The following MOB3B variants were observed in gnomAD, a reference collection of about 807,000 sequenced individuals.
The protein encoded by MOB3B is MOB kinase activator-like 2B.
A neutral mutation model predicts 18.7 loss-of-function variants in MOB3B; 7 were observed. That is an observed-to-expected ratio of 0.37 (90% CI 0.21 to 0.70). The LOEUF is 0.70. MOB3B is among the 30% of genes least tolerant of loss of function. The probability of loss-of-function intolerance (pLI) is 0.52; values close to 1 mark genes in which losing one functional copy is unlikely to be tolerated. For synonymous variants in MOB3B, 111 were observed against 99.9 expected, an observed-to-expected ratio of 1.11 and a Z score of -0.66; for missense variants, 253 against 281.3, an observed-to-expected ratio of 0.90 and a Z score of 0.72.
chr9:27,393,372 AGT>A (rs35949017), intron 2 of MOB3B, among the ~76,000 whole-genome samples: 20,534 of 147,900 alleles, frequency 0.14, 1,442 homozygotes, highest in Admixed American at 0.18. Flanking sequence ...GGTGCAGAGA[AGT>A]GTGTGTGTGT....
chr9:27,412,677 G>C (rs1443431430), intron 2 of MOB3B, among the ~76,000 whole-genome samples: 1 of 152,164 alleles, frequency 6.6e-6, no homozygotes, highest in East Asian at 1.9e-4. Context: ...TTCTAGTTAG[G>C]AAGAGAAAGA....
At chr9:27,450,396 G>C (rs1477903998) in intron 2 of MOB3B, among the ~76,000 whole-genome samples, 1 of 152,172 alleles carries the variant, frequency 6.6e-6, no homozygotes, top group Admixed American at 6.5e-5. Context: ...TGGGCCAGCA[G>C]AGGGTTTTCA....
intron 1 of MOB3B, among the ~76,000 whole-genome samples, chr9:27,508,456 AG>A (rs1438183984): frequency 2.0e-5 from 3 of 152,126 alleles, no homozygotes; most frequent in African/African-American, 7.2e-5. Flanking sequence ...AAGAGTGAAG[AG>A]GCAGTTTCCC....
chr9:27,442,988 G>T (rs973691093), intron 2 of MOB3B, among the ~76,000 whole-genome samples: 1 of 152,180 alleles, frequency 6.6e-6, no homozygotes, highest in Non-Finnish European at 1.5e-5. Flanking sequence ...GGCTCAGGCA[G>T]AATTTGCTCG....
intron 2 of MOB3B, chr9:27,378,681 C>T (rs1014721988): frequency 4.2e-6 from 2 of 470,998 alleles, no homozygotes; most frequent in Admixed American, 2.3e-5. Flanking sequence ...AGAACCACAC[C>T]TGGGGAATCC....
Position 27,328,109 on chromosome 9 carries a change from C to T in MOB3B, c.*2478G>A, listed in dbSNP as rs1820737531. 6.6e-6 allele frequency: 1 copy of T among 150,890 alleles called. No homozygotes were observed. Among genetic ancestry groups the T allele is most frequent in the Non-Finnish European group, 1.5e-5 (1 of 67,776 alleles). The allele number at this position is 150,890 out of a possible 1,614,324, so 9.3% of individuals were successfully genotyped here. ...AGAAAACAAGGCAAAACATTAACAA[C>T]TGATGCACTAAAGGACATAAGGGTA... On this transcript the variant is annotated 3_prime_UTR_variant, in exon 4 of 4. Transcript: ENST00000262244.
chr9:27,524,752 T>A, intron 1 of MOB3B: 1 of 1,613,460 alleles, frequency 6.2e-7, no homozygotes, highest in Non-Finnish European at 8.5e-7. Flanking sequence ...AATGAAGACA[T>A]GAAAGAAATG....
intron 3 of MOB3B, 72 bp from the exon 4 acceptor site, chr9:27,330,688 A>C (rs560770233): frequency 6.2e-7 from 1 of 1,603,346 alleles, no homozygotes; most frequent in African/African-American, 1.3e-5. Flanking sequence ...AGGATCCTGA[A>C]AATGCTCTTG....
chr9:27,364,006 A>T (rs1308165291), intron 2 of MOB3B, among the ~76,000 whole-genome samples: 6 of 152,198 alleles, frequency 3.9e-5, no homozygotes, highest in African/African-American at 1.2e-4. Context: ...CAGCCTCTCA[A>T]CATGCTGGGA....
At chr9:27,525,729 T>A (rs963652458) in intron 1 of MOB3B, among the ~76,000 whole-genome samples, 21 of 152,218 alleles carry the variant, frequency 1.4e-4, no homozygotes, top group Admixed American at 1.0e-3. Context: ...TGTCTTTTAC[T>A]GTTTTTCATG....
At chr9:27,478,810 GAC>G (rs34976107) in intron 1 of MOB3B, among the ~76,000 whole-genome samples, 46,167 of 141,098 alleles carry the variant, frequency 0.33, 8,281 homozygotes, top group East Asian at 0.49. Flanking sequence ...GGATTAAAAA[GAC>G]ACACACACAC....
At chr9:27,435,962 C>T (rs1822494030) in intron 2 of MOB3B, among the ~76,000 whole-genome samples, 1 of 152,198 alleles carries the variant, frequency 6.6e-6, no homozygotes, top group Admixed American at 6.5e-5. Flanking sequence ...CCTCACATGT[C>T]ACTCCAGCCT....
Position 27,428,395 on chromosome 9 carries a change from G to A in MOB3B, c.418+26738C>T, listed in dbSNP as rs79770304. 2.9e-3 allele frequency among the ~76,000 whole-genome samples: 446 copies of A among 152,268 alleles called. 2 individuals carry two copies. Among genetic ancestry groups the A allele is most frequent in the Non-Finnish European group, 4.2e-3 (285 of 68,022 alleles). The stretch of plus-strand genomic sequence containing the variant: ...ATGCAAATCATGCCTGAAGTACAAC[G>A]TAGTAAGAAAGCGGTTGGGGAGATA... On this transcript the variant is annotated intron_variant, in intron 2 of 3. Transcript: ENST00000262244.
chr9:27,343,445 T>TCCGAGAA (rs1353348035), intron 3 of MOB3B, among the ~76,000 whole-genome samples: 1 of 110,354 alleles, frequency 9.1e-6, no homozygotes, highest in Non-Finnish European at 1.7e-5. Flanking sequence ...AATCCCCCTC[T>TCCGAGAA]CCGAGAAACA....
At chr9:27,497,157 ACAT>A (rs1323932720) in intron 1 of MOB3B, among the ~76,000 whole-genome samples, 1 of 152,216 alleles carries the variant, frequency 6.6e-6, no homozygotes, top group East Asian at 1.9e-4. Flanking sequence ...GGGCTCTTAT[ACAT>A]CAGAGAGCTT....
At chr9:27,506,832 A>ATTTTTTTTTTTT (rs71492749) in intron 1 of MOB3B, among the ~76,000 whole-genome samples, 34 of 120,484 alleles carry the variant, frequency 2.8e-4, no homozygotes, top group African/African-American at 4.9e-4. Context: ...ACCCCGGCTA[A>ATTTTTTTTTTTT]TTTTTTTTTT....
At chr9:27,506,800 G>A (rs1337497034) in intron 1 of MOB3B, among the ~76,000 whole-genome samples, 15 of 151,546 alleles carry the variant, frequency 9.9e-5, no homozygotes, top group Middle Eastern at 3.4e-3. Flanking sequence ...AAAGTGCTGG[G>A]ATTACAGGCG....
intron 1 of MOB3B, among the ~76,000 whole-genome samples, chr9:27,506,542 T>A (rs1294460013): frequency 1.3e-5 from 2 of 152,052 alleles, no homozygotes; most frequent in African/African-American, 4.8e-5. Context: ...AATCTTTTTT[T>A]TTTTTTTGAG....
intron 2 of MOB3B, among the ~76,000 whole-genome samples, chr9:27,429,865 G>A (rs1822392394): frequency 6.6e-6 from 1 of 152,152 alleles, no homozygotes; most frequent in South Asian, 2.1e-4. Flanking sequence ...TGTCTCTAAT[G>A]GTTACTCTGA....
Sources: allele counts gnomAD v4.1 joint callset (sites outside exome capture counted in the v4.1 genomes callset), GRCh38; gene constraint gnomAD v4.1.1; transcripts MANE v1.5; gene names NCBI Gene and HGNC (gene_info 2026-07-23, HGNC 2026-07-21).